The following PSPC1 variants were observed in gnomAD, a reference collection of about 807,000 sequenced individuals.
PSPC1 encodes paraspeckle component 1.
A neutral mutation model predicts 51.6 loss-of-function variants in PSPC1; 14 were observed. The ratio of observed to expected loss-of-function variants is 0.27; its 90% confidence interval spans 0.18 to 0.42. PSPC1 has a LOEUF of 0.42. Ranked by LOEUF, PSPC1 falls within the 10% of genes least tolerant of loss-of-function variation. PSPC1 has a pLI of 1.00. For missense variants in PSPC1, 406 were observed against 701.1 expected (o/e 0.58, Z 4.75); for synonymous variants, 193 against 231.9 (o/e 0.83, Z 1.53).
At chr13:19,745,103 A>T (rs904330034) in intron 4 of PSPC1, among the ~76,000 whole-genome samples, 4 of 152,094 alleles carry the variant, frequency 2.6e-5, no homozygotes, top group Admixed American at 2.6e-4. Context: ...GGATCACTTG[A>T]GGTCAGGAGT....
chr13:19,688,227 G>C (rs1051989261), intron 6 of PSPC1, among the ~76,000 whole-genome samples: 2 of 151,734 alleles, frequency 1.3e-5, no homozygotes, highest in African/African-American at 4.8e-5. Context: ...CACTTATGTT[G>C]GGCAACAGGT....
At chr13:19,733,532 G>A (rs916273484) in intron 5 of PSPC1, among the ~76,000 whole-genome samples, 20 of 151,868 alleles carry the variant, frequency 1.3e-4, no homozygotes, top group African/African-American at 4.6e-4. Flanking sequence ...AGGCCGAGAC[G>A]GGCAGATCAC....
intron 6 of PSPC1, among the ~76,000 whole-genome samples, chr13:19,724,722 G>A (rs556035910): frequency 1.2e-4 from 19 of 152,058 alleles, no homozygotes; most frequent in Non-Finnish European, 1.9e-4. Context: ...AGCGTGGGCC[G>A]GGCGTGGTGG....
intron 8 of PSPC1, among the ~76,000 whole-genome samples, chr13:19,705,156 T>C (rs973545511): frequency 7.9e-5 from 12 of 152,242 alleles, no homozygotes; most frequent in Non-Finnish European, 2.9e-5. Context: ...TATACTGAGG[T>C]ACCACAGCAT....
chr13:19,746,463 G>A (rs551615991), intron 4 of PSPC1, among the ~76,000 whole-genome samples: 169 of 151,860 alleles, frequency 1.1e-3, no homozygotes, highest in Admixed American at 1.9e-3. Flanking sequence ...AGTGGCTCAC[G>A]CCTGTAATCC....
Position 19,705,986 on chromosome 13 carries a change from T to C in PSPC1, c.1217-155A>G, listed in dbSNP as rs566853538. ...ATGCGTTATCTACTCTGTAATAGGGTATTACCTACACTCTAGAATTAGAAT... is the reference window on the plus strand; with the variant it reads ...ATGCGTTATCTACTCTGTAATAGGGCATTACCTACACTCTAGAATTAGAAT... On this transcript the variant is annotated intron_variant, in intron 7 of 8. Coordinates refer to ENST00000338910, the MANE Select transcript of PSPC1 (RefSeq NM_001354909.2). Among the ~76,000 whole-genome samples, 25 of 152,314 alleles carry C rather than the reference T, an allele frequency of 1.6e-4. No individual in the cohort carries two copies. In the South Asian group the frequency reaches 3.1e-3, roughly 19 times the overall value.
rs138769031 is a variant in PSPC1, at chr13:19,682,486, CAAAAAA to C, written c.1159-4669_1159-4664del. Among the ~76,000 whole-genome samples, 752 of 98,636 alleles carry C rather than the reference CAAAAAA, an allele frequency of 7.6e-3. 7 individuals are homozygous for C. The highest frequency in any genetic ancestry group is 0.066 in the South Asian group (205 of 3,120). The allele number at this position is 98,636 out of a possible 152,430, so 64.7% of individuals were successfully genotyped here. A position where few individuals can be genotyped will look rare whatever the true frequency, so the allele number is the denominator to read the frequency against. On this transcript the variant is annotated intron_variant and NMD_transcript_variant, in intron 6 of 7. Coordinates refer to the PSPC1 transcript ENST00000471658. ...CTTTACAAAGCAGGTGGCTGAATGG[CAAAAAA>C]AAAAAAAAAAAAAAGCAGTATATAA...
At chr13:19,739,982 T>C (rs1269930372) in intron 5 of PSPC1, among the ~76,000 whole-genome samples, 2 of 152,102 alleles carry the variant, frequency 1.3e-5, no homozygotes, top group Non-Finnish European at 2.9e-5. Flanking sequence ...GCAGGGAGGC[T>C]TGAGACTACA....
intron 6 of PSPC1, among the ~76,000 whole-genome samples, chr13:19,728,486 A>ACACACACACACACACAC (rs1883645115): frequency 7.0e-6 from 1 of 142,708 alleles, no homozygotes; most frequent in African/African-American, 2.5e-5. Flanking sequence ...ACACACACAC[A>ACACACACACACACACAC]GCATTAAAAT....
intron 4 of PSPC1, among the ~76,000 whole-genome samples, chr13:19,748,824 G>A (rs1360508062): frequency 6.7e-6 from 1 of 148,690 alleles, no homozygotes; most frequent in African/African-American, 2.5e-5. Flanking sequence ...AAGGGCTAGG[G>A]TAACCACAGA....
intron 6 of PSPC1, among the ~76,000 whole-genome samples, chr13:19,695,506 A>G (rs888696813): frequency 6.6e-6 from 1 of 152,226 alleles, no homozygotes; most frequent in Non-Finnish European, 1.5e-5. Flanking sequence ...AAACAAAAGA[A>G]GTAGTCTTAT....
chr13:19,776,357 C>T (rs183032578), intron 1 of PSPC1, among the ~76,000 whole-genome samples: 1 of 152,018 alleles, frequency 6.6e-6, no homozygotes, highest in Non-Finnish European at 1.5e-5. Context: ...TCCCAGCAAC[C>T]TGAGGGGCTG....
chr13:19,724,967 C>G (rs1294345145), intron 6 of PSPC1, among the ~76,000 whole-genome samples: 2 of 151,830 alleles, frequency 1.3e-5, no homozygotes, highest in African/African-American at 4.8e-5. Context: ...TCACTGCACT[C>G]CAGCCTGGCG....
At chr13:19,777,344 C>T (rs1272670568) in intron 1 of PSPC1, among the ~76,000 whole-genome samples, 5 of 145,570 alleles carry the variant, frequency 3.4e-5, no homozygotes, top group Non-Finnish European at 7.5e-5. Context: ...GTAGGAGAAT[C>T]GCTTTAGTCC....
rs1391434077 is a variant in PSPC1, at chr13:19,782,574, C to G, written c.184G>C (p.Gly62Arg). ...AAACTCTTGATGTCGATAGTGAACC[C>G]CATCTCCTCGTCCGGGTGGTCCTCT... The part of the protein sequence containing the change: ...PPEDHPDEEM[G>R]FTIDIKSFLK... Residue 62 changes from glycine (G) to arginine (R), a missense_variant, in exon 1 of 9, where the codon GGG (glycine) becomes CGG (arginine). By Grantham distance (125) the Gly-to-Arg change is moderately radical. Coordinates refer to ENST00000338910, the MANE Select transcript of PSPC1 (RefSeq NM_001354909.2). This position sits in a 1 kb window ranked among gnomAD's most constrained non-coding sequence, Gnocchi z 4.5. 2 of 1,605,086 alleles carry G rather than the reference C, an allele frequency of 1.2e-6. No individual in the cohort carries two copies. The highest frequency in any genetic ancestry group is 1.7e-6 in the Non-Finnish European group (2 of 1,176,484).
chr13:19,703,739 A>G (rs929797710), intron 8 of PSPC1, among the ~76,000 whole-genome samples: 1 of 152,142 alleles, frequency 6.6e-6, no homozygotes, highest in African/African-American at 2.4e-5. Context: ...TTCTTAAAAA[A>G]ATCAGAGAAA....
At chr13:19,720,671 T>C (rs1882654383) in intron 6 of PSPC1, among the ~76,000 whole-genome samples, 1 of 152,138 alleles carries the variant, frequency 6.6e-6, no homozygotes, top group Non-Finnish European at 1.5e-5. Flanking sequence ...ACTGTAACAA[T>C]CATATCAATT....
chr13:19,746,278 T>A (rs564798790), intron 4 of PSPC1, among the ~76,000 whole-genome samples: 20 of 152,038 alleles, frequency 1.3e-4, no homozygotes, highest in African/African-American at 4.8e-4. Flanking sequence ...GGCATGCACC[T>A]GTAATCCAGG....
intron 6 of PSPC1, among the ~76,000 whole-genome samples, chr13:19,693,385 A>G (rs1257360183): frequency 6.6e-6 from 1 of 152,220 alleles, no homozygotes; most frequent in Non-Finnish European, 1.5e-5. Flanking sequence ...ATTAAACTAC[A>G]AAAGGACCAT....
Sources: allele counts gnomAD v4.1 joint callset (sites outside exome capture counted in the v4.1 genomes callset), GRCh38; gene constraint gnomAD v4.1.1; non-coding constraint Gnocchi (gnomAD v3.1); transcripts MANE v1.5; gene names NCBI Gene and HGNC (gene_info 2026-07-23, HGNC 2026-07-21).